Variants in NOPCHAP1 observed in about 807,000 individuals in gnomAD.
The protein encoded by NOPCHAP1 is NOP protein chaperone 1.
NOPCHAP1 carries 13 observed loss-of-function variants against 14.0 expected under a neutral mutation model. That is an observed-to-expected ratio of 0.93 (90% CI 0.60 to 1.47). NOPCHAP1 has a LOEUF of 1.47. NOPCHAP1 is among the 40% of genes most tolerant of loss of function. NOPCHAP1 has a pLI of 0.00. For missense variants in NOPCHAP1, 230 were observed against 226.9 expected (o/e 1.01, Z -0.09); for synonymous variants, 78 against 78.4 (o/e 1.00, Z 0.03).
chr12:104,991,602 T>G, intron 2 of NOPCHAP1, 110 bp from the exon 3 acceptor site: 1 of 1,129,496 alleles, frequency 8.9e-7, no homozygotes, highest in Non-Finnish European at 1.2e-6. Flanking sequence ...CTAAAAGATA[T>G]GTAATTATGG....
In NOPCHAP1 at chr12:104,995,402, A is replaced by G. The variant is rs1873478962; in HGVS notation, c.*706A>G. On this transcript the variant is annotated 3_prime_UTR_variant, in exon 4 of 4. Transcript: ENST00000552951. ...ATTGTATTGAATTTTCTGTAGTAGCAAAATCTGGAAAAATAGGTACAACAT... is the reference window on the plus strand; with the variant it reads ...ATTGTATTGAATTTTCTGTAGTAGCGAAATCTGGAAAAATAGGTACAACAT... The G allele has an allele frequency of 6.6e-6, 1 of 152,284 alleles. No individual in the cohort carries two copies. Among genetic ancestry groups the G allele is most frequent in the Admixed American group, 6.5e-5 (1 of 15,286 alleles). 9.4% of individuals were successfully genotyped at this position (152,284 alleles called of 1,614,324 possible).
In NOPCHAP1 at chr12:105,002,472, T is replaced by C. The variant is rs1444190965; in HGVS notation, c.*7776T>C. 2 of 152,204 alleles carry C rather than the reference T, an allele frequency of 1.3e-5. No homozygotes were observed. The highest frequency in any genetic ancestry group is 4.8e-5 in the African/African-American group (2 of 41,456). The allele number at this position is 152,204 out of a possible 1,614,324, so 9.4% of individuals were successfully genotyped here. ...GGAACCTGGAATGTTTTACAAATAG[T>C]CTTTCTGAATGGACCCTGTAATCTG... On this transcript the variant is annotated 3_prime_UTR_variant, in exon 4 of 4. Coordinates refer to ENST00000552951, the MANE Select transcript of NOPCHAP1 (RefSeq NM_152318.3).
rs376511466 is a variant in NOPCHAP1, at chr12:105,001,716, G to A, written c.*7020G>A. On this transcript the variant is annotated 3_prime_UTR_variant, in exon 4 of 4. Transcript: ENST00000552951. ...TCCAGTATGGGAACCTTTTCAACTT[G>A]ATTTGAAACCCTACCACAGAAATAA... The A allele has an allele frequency of 2.6e-5, 4 of 152,134 alleles. No homozygotes were observed. The highest frequency in any genetic ancestry group is 9.7e-5 in the African/African-American group (4 of 41,434). The allele number at this position is 152,134 out of a possible 1,614,324, so 9.4% of individuals were successfully genotyped here.
Position 105,009,605 on chromosome 12 carries a change from A to G in NOPCHAP1, c.*14909A>G, listed in dbSNP as rs1196160918. 2 of 152,342 alleles carry G rather than the reference A, an allele frequency of 1.3e-5. No homozygotes were observed. The highest frequency in any genetic ancestry group is 3.9e-4 in the East Asian group (2 of 5,192). 9.4% of individuals were successfully genotyped at this position (152,342 alleles called of 1,614,324 possible). A position where few individuals can be genotyped will look rare whatever the true frequency, so the allele number is the denominator to read the frequency against. The stretch of plus-strand genomic sequence containing the variant: ...GTATGATATTGGCTGTGGGTTTGTC[A>G]TAAAAAGCTCCTATTGTTTTGAAAT... On this transcript the variant is annotated 3_prime_UTR_variant, in exon 4 of 4. Transcript: ENST00000552951.
At chr12:104,986,490 A>C in intron 1 of NOPCHAP1, 23 bp downstream of exon 1, 1 of 1,573,370 alleles carries the variant, frequency 6.4e-7, no homozygotes. Context: ...TGACGGCGGC[A>C]TGGGCCGCAC....
intron 2 of NOPCHAP1, 135 bp from the exon 3 acceptor site, chr12:104,991,577 T>G (rs1048223526): frequency 1.1e-6 from 1 of 893,842 alleles, no homozygotes; most frequent in Non-Finnish European, 1.6e-6. Flanking sequence ...ATGGAGGGTT[T>G]TTAAATGAAG....
At chr12:104,987,578 G>T (rs1162826087) in intron 1 of NOPCHAP1, among the ~76,000 whole-genome samples, 3 of 152,160 alleles carry the variant, frequency 2.0e-5, no homozygotes, top group Admixed American at 6.5e-5. Context: ...GCAAAGCCTT[G>T]AGTTTTGTAC....
rs1873636535 is a variant in NOPCHAP1 at position 105,002,841 on chromosome 12, T to G, written c.*8145T>G. On this transcript the variant is annotated 3_prime_UTR_variant, in exon 4 of 4. Transcript: ENST00000552951. ...CTTTTACCGTGTCTGGAAGCTTAATTTTTGACCATGGAGTAAAGGTGGTTA... is the reference window on the plus strand; with the variant it reads ...CTTTTACCGTGTCTGGAAGCTTAATGTTTGACCATGGAGTAAAGGTGGTTA... 1 of 152,188 alleles carries G rather than the reference T, an allele frequency of 6.6e-6. No homozygotes were observed. Among genetic ancestry groups the G allele is most frequent in the African/African-American group, 2.4e-5 (1 of 41,428 alleles). The allele number at this position is 152,188 out of a possible 1,614,324, so 9.4% of individuals were successfully genotyped here. A position where few individuals can be genotyped will look rare whatever the true frequency, so the allele number is the denominator to read the frequency against.
rs1313022272 is a variant in NOPCHAP1 at position 104,996,145 on chromosome 12, A to G, written c.*1449A>G. The G allele has an allele frequency of 6.6e-6, 1 of 152,122 alleles. No individual in the cohort carries two copies. The highest frequency in any genetic ancestry group is 1.5e-5 in the Non-Finnish European group (1 of 68,032). The allele number at this position is 152,122 out of a possible 1,614,324, so 9.4% of individuals were successfully genotyped here. A position where few individuals can be genotyped will look rare whatever the true frequency, so the allele number is the denominator to read the frequency against. On this transcript the variant is annotated 3_prime_UTR_variant, in exon 4 of 4. Transcript: ENST00000552951. ...GAACCATGCCAAATAGCAAGATCCT[A>G]ACCAGTGGGGAGCAAAATGGAGTAA...
rs1873644702 is a variant in NOPCHAP1, at chr12:105,003,246, T to C, written c.*8550T>C. On this transcript the variant is annotated 3_prime_UTR_variant, in exon 4 of 4. Coordinates refer to ENST00000552951, the MANE Select transcript of NOPCHAP1 (RefSeq NM_152318.3). ...TTCCCACTGTGGGCCACTGGAATTC[T>C]AATTTTTTTTGTGTGTGTGTGAGTT... 1 of 152,254 alleles carries C rather than the reference T, an allele frequency of 6.6e-6. No homozygotes were observed. The highest frequency in any genetic ancestry group is 6.5e-5 in the Admixed American group (1 of 15,280). The allele number at this position is 152,254 out of a possible 1,614,324, so 9.4% of individuals were successfully genotyped here.
Position 105,004,762 on chromosome 12 carries a change from G to T in NOPCHAP1, c.*10066G>T, listed in dbSNP as rs1873673193. The T allele has an allele frequency of 2.0e-5, 3 of 151,980 alleles. No homozygotes were observed. Among genetic ancestry groups the T allele is most frequent in the Non-Finnish European group, 4.4e-5 (3 of 68,000 alleles). The allele number at this position is 151,980 out of a possible 1,614,324, so 9.4% of individuals were successfully genotyped here. On this transcript the variant is annotated 3_prime_UTR_variant, in exon 4 of 4. Transcript: ENST00000552951. ...GATCCTTGAACAATGCAGGAGTTAGGGTGCTGACCCCCTTTGTGGTCAAAA... is the reference window on the plus strand; with the variant it reads ...GATCCTTGAACAATGCAGGAGTTAGTGTGCTGACCCCCTTTGTGGTCAAAA...
rs1390544952 is a variant in NOPCHAP1, at chr12:105,004,607, GAATAA to G, written c.*9917_*9921del. 6 of 152,074 alleles carry G rather than the reference GAATAA, an allele frequency of 3.9e-5. No homozygotes were observed. The highest frequency in any genetic ancestry group is 1.4e-4 in the African/African-American group (6 of 41,414). The allele number at this position is 152,074 out of a possible 1,614,324, so 9.4% of individuals were successfully genotyped here. The stretch of plus-strand genomic sequence containing the variant: ...CAGTTTTGTTTTAAATTATCTGTTT[GAATAA>G]AATAACCTAGTTTTTTTAGGTTATT... On this transcript the variant is annotated 3_prime_UTR_variant, in exon 4 of 4. Coordinates refer to ENST00000552951, the MANE Select transcript of NOPCHAP1 (RefSeq NM_152318.3).
chr12:104,991,843 C>G lies in NOPCHAP1; in HGVS notation c.334C>G (p.Gln112Glu). 3 of 1,525,898 alleles carry G rather than the reference C, an allele frequency of 2.0e-6. No individual in the cohort carries two copies. Among genetic ancestry groups the G allele is most frequent in the Non-Finnish European group, 2.7e-6 (3 of 1,128,082 alleles). 94.5% of individuals were successfully genotyped at this position (1,525,898 alleles called of 1,614,324 possible). The change falls in exon 3 of 4, where the codon CAA becomes GAA. Residue 112 changes from glutamine to glutamate, a missense_variant. Transcript: ENST00000552951. ...TGATGGGCCTCATAGTAAAGTTATACAAATGGTAACTATGCTTTGTTTTCA... is the reference window on the plus strand; with the variant it reads ...TGATGGGCCTCATAGTAAAGTTATAGAAATGGTAACTATGCTTTGTTTTCA... Reference protein sequence around the residue: ...NIDGPHSKVIQMDVALFEMNQ... With the variant: ...NIDGPHSKVIEMDVALFEMNQ...
Position 105,003,418 on chromosome 12 carries a change from A to G in NOPCHAP1, c.*8722A>G, listed in dbSNP as rs1409841315. ...TCTTGTGACTTATCATAGGCCTTCT[A>G]CTGGACCCAGTCTCTGGACCCTGTT... On this transcript the variant is annotated 3_prime_UTR_variant, in exon 4 of 4. Coordinates refer to ENST00000552951, the MANE Select transcript of NOPCHAP1 (RefSeq NM_152318.3). 1 of 152,218 alleles carries G rather than the reference A, an allele frequency of 6.6e-6. No homozygotes were observed. Among genetic ancestry groups the G allele is most frequent in the Non-Finnish European group, 1.5e-5 (1 of 68,044 alleles). 9.4% of individuals were successfully genotyped at this position (152,218 alleles called of 1,614,324 possible).
At chr12:104,994,436 G>T in intron 3 of NOPCHAP1, 42 bp from the exon 4 acceptor site, 1 of 1,516,780 alleles carries the variant, frequency 6.6e-7, no homozygotes, top group South Asian at 1.1e-5. Context: ...ACTTTTTAAG[G>T]AACTGCTCTG....
Position 104,998,539 on chromosome 12 carries a change from G to C in NOPCHAP1, c.*3843G>C, listed in dbSNP as rs1317863201. 2 of 152,236 alleles carry C rather than the reference G, an allele frequency of 1.3e-5. No individual in the cohort carries two copies. The highest frequency in any genetic ancestry group is 3.8e-4 in the East Asian group (2 of 5,196). The allele number at this position is 152,236 out of a possible 1,614,324, so 9.4% of individuals were successfully genotyped here. A position where few individuals can be genotyped will look rare whatever the true frequency, so the allele number is the denominator to read the frequency against. On this transcript the variant is annotated 3_prime_UTR_variant, in exon 4 of 4. Coordinates refer to ENST00000552951, the MANE Select transcript of NOPCHAP1 (RefSeq NM_152318.3). ...TTTGTTCTCTGGCCACTGGAGGTTAGGTACCTGCTGTGCTAGAGGGGCCAA... is the reference window on the plus strand; with the variant it reads ...TTTGTTCTCTGGCCACTGGAGGTTACGTACCTGCTGTGCTAGAGGGGCCAA...
chr12:104,997,820 C>T lies in NOPCHAP1; in HGVS notation c.*3124C>T, dbSNP rs757723964. 8 of 152,172 alleles carry T rather than the reference C, an allele frequency of 5.3e-5. No homozygotes were observed. Among genetic ancestry groups the T allele is most frequent in the Admixed American group, 1.3e-4 (2 of 15,274 alleles). 9.4% of individuals were successfully genotyped at this position (152,172 alleles called of 1,614,324 possible). ...TTTCAAAGTTGCTTGGTTTCTCTCC[C>T]TTTCAGTCACATCAATGAGTCATAG... is the stretch of plus-strand genomic sequence containing the variant. On this transcript the variant is annotated 3_prime_UTR_variant, in exon 4 of 4. Coordinates refer to ENST00000552951, the MANE Select transcript of NOPCHAP1 (RefSeq NM_152318.3).
At chr12:104,994,212 G>T (rs1407552756) in intron 3 of NOPCHAP1, among the ~76,000 whole-genome samples, 1 of 152,032 alleles carries the variant, frequency 6.6e-6, no homozygotes, top group Non-Finnish European at 1.5e-5. Flanking sequence ...GGATGTGATG[G>T]GGCACACCTG....
chr12:105,010,945 A>G lies in NOPCHAP1; in HGVS notation c.*16249A>G, dbSNP rs1873807313. The G allele has an allele frequency of 6.6e-6, 1 of 152,182 alleles. No homozygotes were observed. The highest frequency in any genetic ancestry group is 1.5e-5 in the Non-Finnish European group (1 of 68,030). The allele number at this position is 152,182 out of a possible 1,614,324, so 9.4% of individuals were successfully genotyped here. A position where few individuals can be genotyped will look rare whatever the true frequency, so the allele number is the denominator to read the frequency against. On this transcript the variant is annotated 3_prime_UTR_variant, in exon 4 of 4. Transcript: ENST00000552951. ...TGTGATGTGGTGCTGAGAAGAATGT[A>G]TATTCTGTTGATTTGGAGTGGAGAG...
Sources: allele counts gnomAD v4.1 joint callset (sites outside exome capture counted in the v4.1 genomes callset), GRCh38; gene constraint gnomAD v4.1.1; transcripts MANE v1.5; gene names NCBI Gene and HGNC (gene_info 2026-07-23, HGNC 2026-07-21).